CRACDL: variants seen among roughly 807,000 people sequenced by gnomAD.
The protein encoded by CRACDL is CRACD like, also known as CRACD-like protein.
A neutral mutation model predicts 70.6 loss-of-function variants in CRACDL; 26 were observed. The ratio of observed to expected loss-of-function variants is 0.37; its 90% CI spans 0.27 to 0.51. The LOEUF (loss-of-function observed/expected upper bound fraction) is 0.51. Ranked by LOEUF, CRACDL falls within the 20% of genes least tolerant of loss-of-function variation. The pLI is 0.94. For synonymous variants in CRACDL, 618 were observed against 615.2 expected, an observed-to-expected ratio of 1.00 and a Z score of -0.07; for missense variants, 1,283 against 1,376.9, an observed-to-expected ratio of 0.93 and a Z score of 1.08.
At chr2:98,933,059 G>A (rs1709119937) in intron 1 of CRACDL, among the ~76,000 whole-genome samples, 3 of 152,206 alleles carry the variant, frequency 2.0e-5, no homozygotes, top group Admixed American at 6.5e-5. Flanking sequence ...GTACGGTTCC[G>A]CACAACCTGG....
At chr2:98,915,755 G>A (rs926799922) in intron 1 of CRACDL, among the ~76,000 whole-genome samples, 1 of 152,080 alleles carries the variant, frequency 6.6e-6, no homozygotes, top group East Asian at 1.9e-4. Flanking sequence ...CACCAACTTC[G>A]GACAAGACAT....
At chr2:98,821,819 C>A in intron 7 of CRACDL, 38 bp downstream of exon 7, 1 of 1,599,576 alleles carries the variant, frequency 6.3e-7, no homozygotes, top group South Asian at 1.1e-5. Flanking sequence ...TGGATCTCCC[C>A]AGGCCCTGCC....
intron 1 of CRACDL, among the ~76,000 whole-genome samples, chr2:98,930,293 C>T (rs1398387583): frequency 5.6e-5 from 7 of 124,976 alleles, no homozygotes; most frequent in African/African-American, 1.3e-4. Context: ...TCTCCGTCCC[C>T]ACCCTCTGTA....
rs562456495 is a variant in CRACDL, at chr2:98,798,155, G to A, written c.2417-618C>T. On this transcript the variant is annotated intron_variant, in intron 7 of 9. Transcript: ENST00000397899. ...AGGTCAGGAGTTCGAGACCAACTTG[G>A]TCAACATGGCAAAACCCCGTCTCTA... Among the ~76,000 whole-genome samples, 8 of 152,286 alleles carry A rather than the reference G, an allele frequency of 5.3e-5. No individual in the cohort carries two copies. In the South Asian group the frequency reaches 1.7e-3, roughly 32 times the overall value.
intron 2 of CRACDL, among the ~76,000 whole-genome samples, chr2:98,842,203 T>C (rs1706058754): frequency 6.6e-6 from 1 of 152,054 alleles, no homozygotes; most frequent in African/African-American, 2.4e-5. Flanking sequence ...TCCTTTATTT[T>C]CCATCTTTTT....
At chr2:98,799,014 G>A (rs919868558) in intron 7 of CRACDL, among the ~76,000 whole-genome samples, 21 of 152,092 alleles carry the variant, frequency 1.4e-4, no homozygotes, top group African/African-American at 3.9e-4. Context: ...TACATCAAAA[G>A]CATAGAACCC....
intron 1 of CRACDL, among the ~76,000 whole-genome samples, chr2:98,911,067 G>A (rs895081328): frequency 2.0e-5 from 3 of 152,318 alleles, no homozygotes; most frequent in African/African-American, 7.2e-5. Context: ...AGCATCGGGG[G>A]AGCAGCAGGC....
At chr2:98,884,392 G>C (rs1282032193) in intron 1 of CRACDL, among the ~76,000 whole-genome samples, 2 of 152,230 alleles carry the variant, frequency 1.3e-5, no homozygotes, top group Non-Finnish European at 2.9e-5. Flanking sequence ...AACATGCAGG[G>C]CTGGAAGCAG....
At chr2:98,837,764 A>G (rs1983352) in intron 3 of CRACDL, among the ~76,000 whole-genome samples, 73,534 of 151,750 alleles carry the variant, frequency 0.48, 18,859 homozygotes, top group African/African-American at 0.66. Context: ...CATTTTTCTA[A>G]TATAGCATCT....
At chr2:98,827,451 C>G (rs1468545623) in intron 5 of CRACDL, among the ~76,000 whole-genome samples, 1 of 152,138 alleles carries the variant, frequency 6.6e-6, no homozygotes, top group Non-Finnish European at 1.5e-5. Context: ...GCCACCACAC[C>G]CAGCTAATTT....
intron 1 of CRACDL, among the ~76,000 whole-genome samples, chr2:98,915,185 C>T (rs372363676): frequency 5.3e-5 from 8 of 152,202 alleles, no homozygotes; most frequent in Admixed American, 2.6e-4. Flanking sequence ...AAGGACATCA[C>T]GTGCCAGACC....
chr2:98,903,568 C>T (rs906767902), intron 1 of CRACDL, among the ~76,000 whole-genome samples: 5 of 152,194 alleles, frequency 3.3e-5, no homozygotes, highest in African/African-American at 1.2e-4. Context: ...GAAGAAACCA[C>T]TTCTCAGTGG....
chr2:98,916,586 T>C (rs2104685568), intron 1 of CRACDL, among the ~76,000 whole-genome samples: 1 of 152,322 alleles, frequency 6.6e-6, no homozygotes, highest in South Asian at 2.1e-4. Context: ...ACCAGAAATC[T>C]CATTTTTATA....
At chr2:98,816,888 A>C (rs1419488338) in intron 7 of CRACDL, among the ~76,000 whole-genome samples, 1 of 152,214 alleles carries the variant, frequency 6.6e-6, no homozygotes, top group African/African-American at 2.4e-5. Context: ...GGAATCTCAG[A>C]GATATTAACA....
At chr2:98,889,117 ACT>A (rs2104630810) in intron 1 of CRACDL, among the ~76,000 whole-genome samples, 1 of 147,212 alleles carries the variant, frequency 6.8e-6, no homozygotes, top group Admixed American at 6.9e-5. Flanking sequence ...ACACAGCAAG[ACT>A]CTGTCAAAAA....
At chr2:98,800,981 G>A (rs925343374) in intron 7 of CRACDL, among the ~76,000 whole-genome samples, 2 of 152,176 alleles carry the variant, frequency 1.3e-5, no homozygotes, top group Non-Finnish European at 2.9e-5. Context: ...GCAGACCCAC[G>A]GGAGTGGGTG....
In CRACDL at chr2:98,822,731, C is replaced by G. The variant is rs1050949806; in HGVS notation, c.1542G>C (p.Pro514=). 3.2e-6 allele frequency: 4 copies of G among 1,259,848 alleles called. No homozygotes were observed. Among genetic ancestry groups the G allele is most frequent in the Non-Finnish European group, 4.0e-6 (4 of 1,006,366 alleles). The allele number at this position is 1,259,848 out of a possible 1,614,324, so 78.0% of individuals were successfully genotyped here. A position where few individuals can be genotyped will look rare whatever the true frequency, so the allele number is the denominator to read the frequency against. Residue 514 remains proline (P), a synonymous_variant, in exon 7 of 10, where the codon CCG becomes CCC. Transcript: ENST00000397899. The surrounding 1 kb of genome is among the most constrained non-coding windows in gnomAD (Gnocchi z 4.9). ...CCGGGGGAGACTCCGCAGCGGCAAG[C>G]GGCGGGGACGCGGCGGGGCCCTCGC... The part of the protein sequence containing the change: ...AASEGPAASP[P]LAAAESPPVE...
intron 1 of CRACDL, among the ~76,000 whole-genome samples, chr2:98,930,940 G>T (rs1709057303): frequency 6.6e-6 from 1 of 151,296 alleles, no homozygotes; most frequent in South Asian, 2.1e-4. Flanking sequence ...TAATGCTCAT[G>T]TATGTGTGTG....
At chr2:98,899,350 C>T (rs1708207195) in intron 1 of CRACDL, among the ~76,000 whole-genome samples, 1 of 152,228 alleles carries the variant, frequency 6.6e-6, no homozygotes, top group Non-Finnish European at 1.5e-5. Context: ...CACAAGAGTC[C>T]TCATAGGACC....
Sources: gnomAD v4.1 joint callset for allele counts (sites outside exome capture counted in the v4.1 genomes callset) on GRCh38, gnomAD v4.1.1 for gene constraint, Gnocchi (gnomAD v3.1) non-coding constraint, MANE v1.5 for transcripts, NCBI Gene and HGNC (gene_info 2026-07-23, HGNC 2026-07-21) for gene names.